ATF7IP: variants seen among roughly 807,000 people sequenced by gnomAD.
The protein encoded by ATF7IP is activating transcription factor 7-interacting protein 1.
ATF7IP carries 23 observed loss-of-function variants against 106.4 expected under a neutral mutation model. The observed-to-expected ratio is 0.22, with a 90% CI of 0.16 to 0.31. The LOEUF is 0.31. Ranked by LOEUF, ATF7IP falls within the 10% of genes least tolerant of loss-of-function variation. The pLI, the probability that ATF7IP is intolerant of heterozygous loss-of-function variation, is 1.00. For missense variants in ATF7IP, 1,334 were observed against 1,524.3 expected, an observed-to-expected ratio of 0.88 and a Z score of 2.08; for synonymous variants, 542 against 539.0, an observed-to-expected ratio of 1.01 and a Z score of -0.08.
At chr12:14,373,671 G>A (rs553474927) in intron 1 of ATF7IP, among the ~76,000 whole-genome samples, 1 of 152,278 alleles carries the variant, frequency 6.6e-6, no homozygotes, top group East Asian at 1.9e-4. Context: ...ATAAGGAATT[G>A]GGAGAAGTGG....
At chr12:14,386,299 C>T (rs1224670000) in intron 1 of ATF7IP, among the ~76,000 whole-genome samples, 1 of 151,820 alleles carries the variant, frequency 6.6e-6, no homozygotes, top group Non-Finnish European at 1.5e-5. Context: ...CTGTGGTTAC[C>T]CAGAAAGATG....
intron 5 of ATF7IP, among the ~76,000 whole-genome samples, chr12:14,440,403 T>C (rs1348490597): frequency 6.6e-6 from 1 of 152,200 alleles, no homozygotes; most frequent in Non-Finnish European, 1.5e-5. Context: ...CCAGTATTCA[T>C]TTTTAAAATT....
intron 5 of ATF7IP, among the ~76,000 whole-genome samples, chr12:14,439,167 G>A (rs866022251): frequency 5.9e-5 from 9 of 152,268 alleles, no homozygotes; most frequent in Admixed American, 1.3e-4. Flanking sequence ...AAGCTAAGAA[G>A]CTGGTATTTG....
At chr12:14,462,169 A>T (rs1943666964) in intron 9 of ATF7IP, among the ~76,000 whole-genome samples, 1 of 152,078 alleles carries the variant, frequency 6.6e-6, no homozygotes, top group African/African-American at 2.4e-5. Context: ...CTAATGTTTT[A>T]TATGAAAGTG....
intron 13 of ATF7IP, among the ~76,000 whole-genome samples, chr12:14,491,043 C>T (rs187711165): frequency 3.3e-5 from 5 of 152,306 alleles, no homozygotes; most frequent in East Asian, 1.9e-4. Context: ...AGGCCTCCAC[C>T]GTGATTCACC....
intron 1 of ATF7IP, among the ~76,000 whole-genome samples, chr12:14,393,905 C>T (rs1939705476): frequency 6.6e-6 from 1 of 152,064 alleles, no homozygotes; most frequent in South Asian, 2.1e-4. Context: ...CAACTCTTGC[C>T]TTGTCAGATC....
At chr12:14,453,705 A>G (rs1320801209) in intron 6 of ATF7IP, among the ~76,000 whole-genome samples, 1 of 150,024 alleles carries the variant, frequency 6.7e-6, no homozygotes, top group African/African-American at 2.5e-5. Context: ...ACTCACTGCA[A>G]CCTCCGCCTC....
At chr12:14,438,031 C>T (rs1472819844) in intron 4 of ATF7IP, 99 bp from the exon 5 acceptor site, 22 of 1,178,122 alleles carry the variant, frequency 1.9e-5, no homozygotes, top group African/African-American at 3.1e-5. Context: ...CCAGCCTGGG[C>T]GACAGAGCGA....
At chr12:14,439,738 C>T (rs1342080045) in intron 5 of ATF7IP, among the ~76,000 whole-genome samples, 1 of 152,086 alleles carries the variant, frequency 6.6e-6, no homozygotes, top group Non-Finnish European at 1.5e-5. Context: ...GAGGTTGAGG[C>T]ATGAGAATTG....
At chr12:14,402,694 T>C (rs985918240) in intron 1 of ATF7IP, among the ~76,000 whole-genome samples, 1 of 151,592 alleles carries the variant, frequency 6.6e-6, no homozygotes, top group African/African-American at 2.4e-5. Flanking sequence ...CTACAACCTC[T>C]GCCTCCTGGG....
intron 5 of ATF7IP, among the ~76,000 whole-genome samples, chr12:14,444,617 A>T (rs912930617): frequency 6.6e-6 from 1 of 152,132 alleles, no homozygotes. Flanking sequence ...AAAGAATTGT[A>T]CAGCTTCCTA....
At chr12:14,485,001 C>G (rs999994876) in intron 13 of ATF7IP, among the ~76,000 whole-genome samples, 1 of 152,122 alleles carries the variant, frequency 6.6e-6, no homozygotes, top group Non-Finnish European at 1.5e-5. Flanking sequence ...GAGTAGTTAC[C>G]TGCAAAAGAT....
intron 13 of ATF7IP, among the ~76,000 whole-genome samples, chr12:14,491,564 T>G (rs555390504): frequency 6.6e-6 from 1 of 152,320 alleles, no homozygotes; most frequent in Non-Finnish European, 1.5e-5. Flanking sequence ...GTGTGGTATC[T>G]TGCAGGAGCA....
intron 1 of ATF7IP, among the ~76,000 whole-genome samples, chr12:14,406,919 C>G (rs1439613418): frequency 6.6e-6 from 1 of 152,098 alleles, no homozygotes; most frequent in African/African-American, 2.4e-5. Flanking sequence ...GGTTAAATTT[C>G]ATTTAAAAAT....
intron 12 of ATF7IP, 97 bp from the exon 13 acceptor site, chr12:14,480,906 G>A: frequency 9.3e-7 from 1 of 1,077,434 alleles, no homozygotes; most frequent in East Asian, 2.4e-5. Context: ...GTCTTTATTA[G>A]TTAATTAGAT....
At chr12:14,415,691 G>T (rs1450711387) in intron 1 of ATF7IP, among the ~76,000 whole-genome samples, 3 of 144,810 alleles carry the variant, frequency 2.1e-5, no homozygotes, top group African/African-American at 5.1e-5. Flanking sequence ...ACCACTTACT[G>T]TTTTTTTTTT....
chr12:14,495,676 A>G (rs370598085), intron 13 of ATF7IP, among the ~76,000 whole-genome samples: 4 of 152,212 alleles, frequency 2.6e-5, no homozygotes, highest in African/African-American at 9.6e-5. Flanking sequence ...GGAGCTGGGC[A>G]TGGAGAAAAT....
At chr12:14,381,348 G>A (rs758552427) in intron 1 of ATF7IP, among the ~76,000 whole-genome samples, 2 of 152,014 alleles carry the variant, frequency 1.3e-5, no homozygotes, top group Admixed American at 6.6e-5. Context: ...TCTTGTGCCT[G>A]AGCCTCCCTG....
rs536920488 is a variant in ATF7IP at position 14,430,426 on chromosome 12, C to T, written c.1559-3911C>T. 3.3e-4 allele frequency among the ~76,000 whole-genome samples: 50 copies of T among 152,188 alleles called. No individual in the cohort carries two copies. The Middle Eastern group carries it at 0.01, about 31-fold the overall frequency. ...GGAGATAATACAATGGGACTTTCCC[C>T]GCTAGGTTTTGCTTTTAAAGAGAGC... On this transcript the variant is annotated intron_variant, in intron 2 of 14. Transcript: ENST00000261168.
Sources: allele counts gnomAD v4.1 joint callset (sites outside exome capture counted in the v4.1 genomes callset), GRCh38; gene constraint gnomAD v4.1.1; transcripts MANE v1.5; gene names NCBI Gene and HGNC (gene_info 2026-07-23, HGNC 2026-07-21).